MTMR3: variants seen among roughly 807,000 people sequenced by gnomAD.
MTMR3 encodes the protein phosphatidylinositol-3,5-bisphosphate 3-phosphatase MTMR3.
Under a neutral mutation model 132.4 loss-of-function variants are expected in MTMR3, and 32 were observed. The observed-to-expected ratio is 0.24, with a 90% CI of 0.18 to 0.32. MTMR3 has a LOEUF of 0.32. MTMR3 is among the 10% of genes least tolerant of loss of function. The pLI, the probability that MTMR3 is intolerant of heterozygous loss-of-function variation, is 1.00. For synonymous variants in MTMR3, 556 were observed against 550.3 expected, an observed-to-expected ratio of 1.01 and a Z score of -0.14; for missense variants, 1,216 against 1,489.6, an observed-to-expected ratio of 0.82 and a Z score of 3.02.
intron 2 of MTMR3, among the ~76,000 whole-genome samples, chr22:29,964,139 GC>G (rs1344508918): frequency 2.6e-5 from 4 of 152,174 alleles, no homozygotes; most frequent in Non-Finnish European, 4.4e-5. Context: ...TTTACTGAGT[GC>G]ATGCATTACT....
At chr22:30,023,268 A>G in intron 19 of MTMR3, 1 of 626,534 alleles carries the variant, frequency 1.6e-6, no homozygotes, top group Non-Finnish European at 2.9e-6. Context: ...GTGGATGTTC[A>G]GTGTTCTTAG....
intron 1 of MTMR3, among the ~76,000 whole-genome samples, chr22:29,926,770 G>A (rs2065525824): frequency 1.3e-5 from 2 of 152,062 alleles, no homozygotes; most frequent in South Asian, 4.1e-4. Context: ...TATGTATTCT[G>A]GATAGAAGTT....
rs192806393 is a variant in MTMR3 at position 29,992,565 on chromosome 22, T to C, written c.460+895T>C. On this transcript the variant is annotated intron_variant, in intron 7 of 19. Transcript: ENST00000401950. ...TAAACTTTATGTGGTCATAAAACTT[T>C]GCTGGTCCAACACTGACTTTTAGTG... The C allele has an allele frequency of 5.9e-5, 9 of 152,352 alleles. No homozygotes were observed. In the South Asian group the frequency reaches 1.7e-3, roughly 28 times the overall value. The allele number at this position is 152,352 out of a possible 1,614,324, so 9.4% of individuals were successfully genotyped here. A position where few individuals can be genotyped will look rare whatever the true frequency, so the allele number is the denominator to read the frequency against.
intron 7 of MTMR3, chr22:29,992,960 G>A (rs549717261): frequency 6.6e-6 from 1 of 152,334 alleles, no homozygotes; most frequent in East Asian, 1.9e-4. Flanking sequence ...AAGAAATGGA[G>A]GCTCAGAGGT....
At chr22:30,023,344 A>G (rs2067815942) in intron 19 of MTMR3, 1 of 1,043,810 alleles carries the variant, frequency 9.6e-7, no homozygotes. Context: ...AAAATGGAAC[A>G]GTCTCTTTGC....
At chr22:29,885,820 T>A (rs1445670520) in intron 1 of MTMR3, among the ~76,000 whole-genome samples, 1 of 152,228 alleles carries the variant, frequency 6.6e-6, no homozygotes, top group Admixed American at 6.5e-5. Flanking sequence ...CGTTCACACC[T>A]TCTTCAGTAA....
intron 1 of MTMR3, among the ~76,000 whole-genome samples, chr22:29,897,812 A>G (rs1255148771): frequency 6.6e-6 from 1 of 152,016 alleles, no homozygotes; most frequent in African/African-American, 2.4e-5. Flanking sequence ...ATCCTCTTAG[A>G]TCGTATTTTC....
At chr22:29,947,811 A>G (rs1312228370) in intron 1 of MTMR3, among the ~76,000 whole-genome samples, 1 of 152,162 alleles carries the variant, frequency 6.6e-6, no homozygotes, top group Non-Finnish European at 1.5e-5. Flanking sequence ...AGTTTACATG[A>G]GATAAATATT....
chr22:29,886,710 T>G lies in MTMR3; in HGVS notation c.-138+3351T>G, dbSNP rs145643279. On this transcript the variant is annotated intron_variant, in intron 1 of 19. Coordinates refer to ENST00000401950, the MANE Select transcript of MTMR3 (RefSeq NM_021090.4). ...TGGGTTCTGCTTTTAGCTTATGGAT[T>G]TTAGACATTGTCCAAAAGTGCTTCC... 2.4e-4 allele frequency among the ~76,000 whole-genome samples: 37 copies of G among 152,338 alleles called. No homozygotes were observed. In the East Asian group the frequency reaches 5.8e-3, roughly 24 times the overall value.
chr22:29,963,392 C>CTTTTTTT, intron 2 of MTMR3, among the ~76,000 whole-genome samples: 1 of 135,036 alleles, frequency 7.4e-6, no homozygotes, highest in Non-Finnish European at 1.6e-5. Context: ...CACTTAATTC[C>CTTTTTTT]TTTTTTTTTT....
chr22:30,007,238 C>G lies in MTMR3; in HGVS notation c.796C>G (p.Arg266Gly), dbSNP rs1421254621. 6.2e-7 allele frequency: 1 copy of G among 1,614,080 alleles called. No homozygotes were observed. Among genetic ancestry groups the G allele is most frequent in the South Asian group, 1.1e-5 (1 of 91,092 alleles). Reference protein sequence around the residue: ...SVAKACASDSRSSGSKLSTRN... With the variant: ...SVAKACASDSGSSGSKLSTRN... The stretch of plus-strand genomic sequence containing the variant: ...AGCCAAAGCTTGTGCCTCTGACTCC[C>G]GATCGAGTGGCAGCAAGCTGTCAAC... Residue 266 changes from arginine (R) to glycine (G), a missense_variant, in exon 10 of 20, where the codon CGA becomes GGA. Coordinates refer to ENST00000401950, the MANE Select transcript of MTMR3 (RefSeq NM_021090.4).
intron 2 of MTMR3, among the ~76,000 whole-genome samples, chr22:29,960,369 TTATC>T (rs2066286444): frequency 6.6e-6 from 1 of 152,178 alleles, no homozygotes; most frequent in Non-Finnish European, 1.5e-5. Flanking sequence ...ATATGAGAGA[TTATC>T]TTTCTTAGGA....
rs1055902234 is a variant in MTMR3, at chr22:29,949,956, G to A, written c.-137-7080G>A. 2.0e-5 allele frequency among the ~76,000 whole-genome samples: 3 copies of A among 152,148 alleles called. No homozygotes were observed. The South Asian group carries it at 6.2e-4, about 32-fold the overall frequency. ...ATTGAAGACACTGATTTGGGGCAAGGTGTCGGGGAGAACAGGAGGAATTGT... is the reference window on the plus strand; with the variant it reads ...ATTGAAGACACTGATTTGGGGCAAGATGTCGGGGAGAACAGGAGGAATTGT... On this transcript the variant is annotated intron_variant, in intron 1 of 19. Transcript: ENST00000401950.
chr22:29,926,981 G>C (rs766312356), intron 1 of MTMR3, among the ~76,000 whole-genome samples: 15 of 152,030 alleles, frequency 9.9e-5, no homozygotes, highest in Non-Finnish European at 1.6e-4. Flanking sequence ...CTTACATTTA[G>C]GTCTGTGTCT....
Position 30,025,736 on chromosome 22 carries a change from C to T in MTMR3, c.3532C>T (p.Leu1178=). The stretch of plus-strand genomic sequence containing the variant: ...AGTATGCAAGTCTTGCTATAGCAGC[C>T]TACATCCCACAAGCTCCAGCATTGA... ...SRVCKSCYSS[L]HPTSSSIDLE... Residue 1178 remains leucine, a synonymous_variant, in exon 20 of 20, where the codon CTA becomes TTA. Coordinates refer to ENST00000401950, the MANE Select transcript of MTMR3 (RefSeq NM_021090.4). 2 of 1,614,192 alleles carry T rather than the reference C, an allele frequency of 1.2e-6. No homozygotes were observed. The highest frequency in any genetic ancestry group is 1.7e-6 in the Non-Finnish European group (2 of 1,180,046).
chr22:29,911,876 A>G (rs1262634779), intron 1 of MTMR3, among the ~76,000 whole-genome samples: 1 of 152,186 alleles, frequency 6.6e-6, no homozygotes, highest in Non-Finnish European at 1.5e-5. Context: ...ACAGTGTAGA[A>G]GTTTCCCTTA....
chr22:29,888,768 C>CTTTTT (rs3049983), intron 1 of MTMR3, among the ~76,000 whole-genome samples: 12 of 101,882 alleles, frequency 1.2e-4, no homozygotes, highest in Non-Finnish European at 1.5e-4. Flanking sequence ...TTAGTTAATA[C>CTTTTT]TTTTTTTTTT....
intron 5 of MTMR3, chr22:29,980,177 G>A (rs1231382171): frequency 6.6e-6 from 1 of 150,900 alleles, no homozygotes; most frequent in East Asian, 1.9e-4. Flanking sequence ...TTGTTCATTC[G>A]TTTTACTCAG....
chr22:29,889,278 A>G lies in MTMR3; in HGVS notation c.-138+5919A>G, dbSNP rs2064743068. 2.7e-5 allele frequency among the ~76,000 whole-genome samples: 4 copies of G among 147,606 alleles called. No individual in the cohort carries two copies. In the South Asian group the frequency reaches 8.6e-4, roughly 32 times the overall value. ...GAAATTATTTCTGGTTATGAAAGCT[A>G]CGGAACTTTTTTTTTTTTTTTTTTT... On this transcript the variant is annotated intron_variant, in intron 1 of 19. Transcript: ENST00000401950.
Sources: gnomAD v4.1 joint callset for allele counts (sites outside exome capture counted in the v4.1 genomes callset) on GRCh38, gnomAD v4.1.1 for gene constraint, MANE v1.5 for transcripts, NCBI Gene and HGNC (gene_info 2026-07-23, HGNC 2026-07-21) for gene names.